Variants in CNST observed in about 807,000 individuals in gnomAD.
CNST encodes consortin.
Under a neutral mutation model 72.4 loss-of-function variants are expected in CNST, and 39 were observed. That is an observed-to-expected ratio of 0.54 (90% CI 0.42 to 0.70). CNST has a LOEUF of 0.70. Among genes scored for constraint, CNST ranks in the 30% least tolerant of loss-of-function variants. The probability of loss-of-function intolerance (pLI) is 0.00; values close to 1 mark genes in which losing one functional copy is unlikely to be tolerated. For synonymous variants in CNST, 332 were observed against 320.1 expected, an observed-to-expected ratio of 1.04 and a Z score of -0.40; for missense variants, 871 against 868.5, an observed-to-expected ratio of 1.00 and a Z score of -0.04.
intron 1 of CNST, among the ~76,000 whole-genome samples, chr1:246,574,858 A>G (rs1660293192): frequency 6.6e-6 from 1 of 152,134 alleles, no homozygotes; most frequent in Non-Finnish European, 1.5e-5. Flanking sequence ...AAGGATTCCT[A>G]TGTAAAAGCA....
At chr1:246,628,559 A>T (rs755641858) in intron 3 of CNST, among the ~76,000 whole-genome samples, 1 of 152,214 alleles carries the variant, frequency 6.6e-6, no homozygotes, top group Non-Finnish European at 1.5e-5. Context: ...TCTTTTTTAC[A>T]CTGACTTAGT....
At position 246,634,464 on chromosome 1, in the gene CNST, T is replaced by G; in HGVS notation, c.704-9T>G. 1 of 1,539,020 alleles carries G rather than the reference T, an allele frequency of 6.5e-7. No homozygotes were observed. Reference sequence around the variant, plus strand: ...AAGAGCCAGTGACTAACAAATACTTTAAATTTAGAAACAAAATGGAAAACT... The same window carrying G: ...AAGAGCCAGTGACTAACAAATACTTGAAATTTAGAAACAAAATGGAAAACT... On this transcript the variant is annotated splice_polypyrimidine_tract_variant and intron_variant, in intron 5 of 10. Coordinates refer to ENST00000366513, the MANE Select transcript of CNST (RefSeq NM_152609.3).
chr1:246,651,370 A>G (rs944141558), intron 9 of CNST, among the ~76,000 whole-genome samples: 7 of 151,408 alleles, frequency 4.6e-5, no homozygotes, highest in African/African-American at 1.7e-4. Flanking sequence ...TCTTTCTACC[A>G]TTGTGTTTGT....
intron 1 of CNST, among the ~76,000 whole-genome samples, chr1:246,586,266 A>G (rs911735035): frequency 2.0e-5 from 3 of 147,712 alleles, no homozygotes; most frequent in Admixed American, 6.8e-5. Flanking sequence ...ATATAAAGCT[A>G]TATATCTTTG....
chr1:246,617,940 C>G (rs1216029932), intron 2 of CNST, among the ~76,000 whole-genome samples: 1 of 152,198 alleles, frequency 6.6e-6, no homozygotes, highest in Admixed American at 6.5e-5. Flanking sequence ...AGAAGAACAA[C>G]CTGCTCTTTG....
chr1:246,658,670 A>G (rs569270287), intron 9 of CNST, among the ~76,000 whole-genome samples: 121 of 152,364 alleles, frequency 7.9e-4, no homozygotes, highest in African/African-American at 2.3e-3. Flanking sequence ...TATTGATTAG[A>G]TAAATGACAT....
intron 2 of CNST, among the ~76,000 whole-genome samples, chr1:246,604,852 A>G (rs1662596810): frequency 6.6e-6 from 1 of 152,134 alleles, no homozygotes; most frequent in Non-Finnish European, 1.5e-5. Context: ...GATTTTTAGT[A>G]GAGATGGGGT....
At position 246,647,702 on chromosome 1, in the gene CNST, G is replaced by A; in HGVS notation, c.1501G>A (p.Ala501Thr). 6.2e-7 allele frequency: 1 copy of A among 1,614,136 alleles called. No homozygotes were observed. The highest frequency in any genetic ancestry group is 8.5e-7 in the Non-Finnish European group (1 of 1,180,024). ...DSDGKSPQAQADSDGSENVLC... is the reference protein window; with the variant it reads ...DSDGKSPQAQTDSDGSENVLC... ...TGATGGAAAATCACCACAGGCGCAG[G>A]CTGACTCAGACGGTTCTGAGAATGT... Residue 501 changes from alanine (A) to threonine (T), a missense_variant, in exon 9 of 11, where the codon GCT becomes ACT. Transcript: ENST00000366513.
intron 3 of CNST, among the ~76,000 whole-genome samples, chr1:246,627,876 G>C (rs1191695144): frequency 6.8e-6 from 1 of 147,662 alleles, no homozygotes; most frequent in African/African-American, 2.5e-5. Context: ...GGTTCTCTTA[G>C]AGGGACAGAA....
chr1:246,650,462 G>T (rs1454493746), intron 9 of CNST, among the ~76,000 whole-genome samples: 22 of 152,100 alleles, frequency 1.4e-4, no homozygotes, highest in Admixed American at 1.4e-3. Context: ...GAAAAGCATG[G>T]TTTAACAAAG....
intron 2 of CNST, among the ~76,000 whole-genome samples, chr1:246,609,797 C>T (rs1663180500): frequency 6.6e-6 from 1 of 152,158 alleles, no homozygotes; most frequent in Non-Finnish European, 1.5e-5. Flanking sequence ...TTGAGGAATT[C>T]GGTTATGCAA....
intron 1 of CNST, among the ~76,000 whole-genome samples, chr1:246,589,985 G>A (rs1303562245): frequency 6.6e-6 from 1 of 152,034 alleles, no homozygotes; most frequent in Admixed American, 6.6e-5. Context: ...TTGTAAATTT[G>A]TTTGAGTTCA....
At chr1:246,618,018 A>T (rs111798494) in intron 2 of CNST, among the ~76,000 whole-genome samples, 288 of 152,228 alleles carry the variant, frequency 1.9e-3, no homozygotes, top group Non-Finnish European at 3.1e-3. Flanking sequence ...CAAACACACC[A>T]CTATTTGTGT....
rs145394347 is a variant in CNST at position 246,569,156 on chromosome 1, A to G, written c.-52+2493A>G. 1.4e-3 allele frequency among the ~76,000 whole-genome samples: 220 copies of G among 152,370 alleles called. 1 individual carries two copies. The highest frequency in any genetic ancestry group is 5.0e-3 in the African/African-American group (207 of 41,586). ...TCAATAGAAATACAATGCAAGCCAT[A>G]TAAGTAATTTAAAATTTTCTAGTAG... On this transcript the variant is annotated intron_variant, in intron 1 of 10. Transcript: ENST00000366513.
chr1:246,620,327 C>T (rs1171800050), intron 2 of CNST, among the ~76,000 whole-genome samples: 3 of 5,294 alleles, frequency 5.7e-4, no homozygotes, highest in Admixed American at 2.1e-3. Flanking sequence ...GGGAGGACGG[C>T]TTCAGTCGTG....
chr1:246,578,658 G>C (rs12044189), intron 1 of CNST, among the ~76,000 whole-genome samples: 69,465 of 151,020 alleles, frequency 0.46, 16,687 homozygotes, highest in East Asian at 0.81. Context: ...GCAACAGAGA[G>C]ACTCCGTTTC....
chr1:246,632,892 G>C (rs1035688087), intron 4 of CNST, among the ~76,000 whole-genome samples: 11 of 152,142 alleles, frequency 7.2e-5, no homozygotes, highest in African/African-American at 2.7e-4. Context: ...GAAATAATAA[G>C]GATCAAGGTG....
At chr1:246,589,434 G>C (rs1243640436) in intron 1 of CNST, among the ~76,000 whole-genome samples, 2 of 151,968 alleles carry the variant, frequency 1.3e-5, no homozygotes, top group Admixed American at 6.6e-5. Context: ...TCCCTACAAA[G>C]GACATGAACT....
At chr1:246,621,775 G>C in intron 3 of CNST, 141 bp downstream of exon 3, 1 of 731,828 alleles carries the variant, frequency 1.4e-6, no homozygotes, top group East Asian at 2.6e-5. Flanking sequence ...TGGGTGGATG[G>C]CTTGAGCTCA....
Sources: allele counts gnomAD v4.1 joint callset (sites outside exome capture counted in the v4.1 genomes callset), GRCh38; gene constraint gnomAD v4.1.1; transcripts MANE v1.5; gene names NCBI Gene and HGNC (gene_info 2026-07-23, HGNC 2026-07-21).